The following SDCCAG8 variants were observed in gnomAD, a reference collection of about 807,000 sequenced individuals.
SDCCAG8 encodes the protein serologically defined colon cancer antigen 8.
Under a neutral mutation model 101.8 loss-of-function variants are expected in SDCCAG8, and 74 were observed. That is an observed-to-expected ratio of 0.73 (90% CI 0.60 to 0.88). The LOEUF is 0.88. SDCCAG8 is among the 40% of genes least tolerant of loss of function. SDCCAG8 has a pLI of 0.00. For synonymous variants in SDCCAG8, 281 were observed against 292.9 expected (o/e 0.96, Z 0.41); for missense variants, 787 against 822.6 (o/e 0.96, Z 0.53).
At chr1:243,273,152 T>G (rs1182993685) in intron 3 of SDCCAG8, among the ~76,000 whole-genome samples, 1 of 152,234 alleles carries the variant, frequency 6.6e-6, no homozygotes, top group African/African-American at 2.4e-5. Context: ...TAGAGTTACT[T>G]TGGTTTTTAA....
intron 12 of SDCCAG8, among the ~76,000 whole-genome samples, chr1:243,362,763 A>G (rs1390631881): frequency 6.6e-6 from 1 of 152,214 alleles, no homozygotes; most frequent in East Asian, 1.9e-4. Flanking sequence ...TGCCCAGTGC[A>G]TAGCAGTGGA....
At chr1:243,436,566 C>G (rs995282483) in intron 16 of SDCCAG8, among the ~76,000 whole-genome samples, 1 of 152,152 alleles carries the variant, frequency 6.6e-6, no homozygotes, top group Non-Finnish European at 1.5e-5. Context: ...GAGGAACACT[C>G]TTTTTAAATT....
rs558954498 is a variant in SDCCAG8 at position 243,450,657 on chromosome 1, T to C, written c.1985+24099T>C. 6.6e-5 allele frequency among the ~76,000 whole-genome samples: 10 copies of C among 152,200 alleles called. No individual in the cohort carries two copies. The South Asian group carries it at 1.9e-3, about 28-fold the overall frequency. On this transcript the variant is annotated intron_variant, in intron 16 of 17. Coordinates refer to ENST00000366541, the MANE Select transcript of SDCCAG8 (RefSeq NM_006642.5). ...GTTTGTTTTGTTATATAACCTGGTTTTGTTTGTTTGTTTGTTTTGAGACAG... is the reference window on the plus strand; with the variant it reads ...GTTTGTTTTGTTATATAACCTGGTTCTGTTTGTTTGTTTGTTTTGAGACAG...
intron 13 of SDCCAG8, among the ~76,000 whole-genome samples, chr1:243,383,476 A>G (rs534896000): frequency 3.2e-4 from 49 of 152,286 alleles, no homozygotes; most frequent in Non-Finnish European, 6.8e-4. Context: ...TTAAGTTCCT[A>G]TATCTGGACA....
chr1:243,449,861 C>T (rs2083224084), intron 16 of SDCCAG8, among the ~76,000 whole-genome samples: 1 of 152,176 alleles, frequency 6.6e-6, no homozygotes, highest in Non-Finnish European at 1.5e-5. Flanking sequence ...TGGCCCTTTC[C>T]CCTTAGGTCC....
chr1:243,265,425 T>C (rs1216012006), intron 1 of SDCCAG8, among the ~76,000 whole-genome samples: 1 of 152,256 alleles, frequency 6.6e-6, no homozygotes, highest in African/African-American at 2.4e-5. Context: ...CGTAATATTA[T>C]GTTCATAGTG....
chr1:243,456,031 G>T (rs557590561), intron 16 of SDCCAG8, among the ~76,000 whole-genome samples: 3 of 152,318 alleles, frequency 2.0e-5, no homozygotes, highest in South Asian at 2.1e-4. Context: ...TGGGCTGATC[G>T]CTGGTCTACA....
chr1:243,385,485 G>C (rs919022243), intron 13 of SDCCAG8, among the ~76,000 whole-genome samples: 1 of 152,184 alleles, frequency 6.6e-6, no homozygotes, highest in African/African-American at 2.4e-5. Flanking sequence ...AAGGATTACA[G>C]GGGGAGAGAC....
At chr1:243,410,583 A>G (rs1160800368) in intron 13 of SDCCAG8, among the ~76,000 whole-genome samples, 1 of 152,186 alleles carries the variant, frequency 6.6e-6, no homozygotes, top group East Asian at 1.9e-4. Flanking sequence ...GGAACATGGA[A>G]GGTGGGATTG....
intron 16 of SDCCAG8, among the ~76,000 whole-genome samples, chr1:243,483,245 C>T (rs1338207019): frequency 6.6e-6 from 1 of 152,076 alleles, no homozygotes; most frequent in East Asian, 1.9e-4. Flanking sequence ...AGCGCGCCCC[C>T]TGGGCTGGGC....
At chr1:243,307,429 A>T (rs969178385) in intron 7 of SDCCAG8, 4 of 981,488 alleles carry the variant, frequency 4.1e-6, no homozygotes, top group South Asian at 4.7e-5. Context: ...GTTTGTCGTT[A>T]GATAATTATC....
At chr1:243,340,033 A>G (rs2075292606) in intron 10 of SDCCAG8, among the ~76,000 whole-genome samples, 1 of 152,246 alleles carries the variant, frequency 6.6e-6, no homozygotes, top group South Asian at 2.1e-4. Context: ...TAAAGGATAA[A>G]TCTAAGATCT....
intron 16 of SDCCAG8, among the ~76,000 whole-genome samples, chr1:243,466,257 C>A (rs1469970025): frequency 6.6e-6 from 1 of 152,050 alleles, no homozygotes; most frequent in African/African-American, 2.4e-5. Context: ...TTCTAACAAC[C>A]TTGTGATGTA....
chr1:243,312,005 G>C (rs2072771171), intron 8 of SDCCAG8, among the ~76,000 whole-genome samples: 1 of 152,130 alleles, frequency 6.6e-6, no homozygotes. Flanking sequence ...TTTCTGCCTT[G>C]TCAGCATATC....
chr1:243,264,456 A>G (rs2067428792), intron 1 of SDCCAG8, among the ~76,000 whole-genome samples: 1 of 152,122 alleles, frequency 6.6e-6, no homozygotes, highest in African/African-American at 2.4e-5. Context: ...CTCTACCAAA[A>G]ATACAAAATT....
At chr1:243,370,518 A>G (rs569531167) in intron 12 of SDCCAG8, among the ~76,000 whole-genome samples, 4 of 152,270 alleles carry the variant, frequency 2.6e-5, no homozygotes, top group East Asian at 3.9e-4. Context: ...TTCTTTTGCC[A>G]CTGAATCTCC....
chr1:243,270,297 T>G, intron 2 of SDCCAG8, 40 bp downstream of exon 2: 1 of 1,586,782 alleles, frequency 6.3e-7, no homozygotes, highest in Non-Finnish European at 8.6e-7. Flanking sequence ...TGATGCATAG[T>G]GAATTTTTTA....
At chr1:243,304,687 T>C (rs538969565) in intron 6 of SDCCAG8, 26 bp from the exon 7 acceptor site, 5 of 1,266,000 alleles carry the variant, frequency 3.9e-6, no homozygotes, top group Admixed American at 1.7e-5. Context: ...TAGAGAAAAA[T>C]GTACTTCTAT....
rs958136200 is a variant in SDCCAG8, at chr1:243,291,192, T to G, written c.547-1899T>G. 3.3e-5 allele frequency among the ~76,000 whole-genome samples: 5 copies of G among 152,208 alleles called. No homozygotes were observed. In the East Asian group the frequency reaches 9.6e-4, roughly 29 times the overall value. ...TGGCCCTTAGCAAGTGCTCAATAAT[T>G]ATTTGTTGAATTAAATTAATATACG... is the stretch of plus-strand genomic sequence containing the variant. On this transcript the variant is annotated intron_variant, in intron 5 of 17. Coordinates refer to ENST00000366541, the MANE Select transcript of SDCCAG8 (RefSeq NM_006642.5).
Sources: gnomAD v4.1 joint callset for allele counts (sites outside exome capture counted in the v4.1 genomes callset) on GRCh38, gnomAD v4.1.1 for gene constraint, MANE v1.5 for transcripts, NCBI Gene and HGNC (gene_info 2026-07-23, HGNC 2026-07-21) for gene names.